Variants in FRMD4B observed in about 807,000 individuals in gnomAD.
The protein encoded by FRMD4B is FERM domain containing 4B.
Under a neutral mutation model 141.5 loss-of-function variants are expected in FRMD4B, and 74 were observed. The ratio of observed to expected loss-of-function variants is 0.52; its 90% CI spans 0.43 to 0.63. The LOEUF (loss-of-function observed/expected upper bound fraction) is 0.63, where lower values mean the gene tolerates loss of function less well. FRMD4B is among the 30% of genes least tolerant of loss of function. FRMD4B has a pLI of 0.00. For synonymous variants in FRMD4B, 506 were observed against 467.9 expected, an observed-to-expected ratio of 1.08 and a Z score of -1.05; for missense variants, 1,366 against 1,253.4, an observed-to-expected ratio of 1.09 and a Z score of -1.36.
intron 1 of FRMD4B, among the ~76,000 whole-genome samples, chr3:69,512,027 A>G (rs1210665745): frequency 1.3e-5 from 2 of 152,226 alleles, no homozygotes; most frequent in African/African-American, 4.8e-5. Flanking sequence ...ACATACAGAA[A>G]TTAGCATGTC....
chr3:69,336,219 G>A (rs1200874872), intron 1 of FRMD4B, among the ~76,000 whole-genome samples: 2 of 152,220 alleles, frequency 1.3e-5, no homozygotes, highest in African/African-American at 4.8e-5. Flanking sequence ...TAGAGTTAAT[G>A]AGGGGCTCAT....
At chr3:69,394,731 A>C (rs1559844887) in intron 2 of FRMD4B, among the ~76,000 whole-genome samples, 1 of 152,244 alleles carries the variant, frequency 6.6e-6, no homozygotes, top group Non-Finnish European at 1.5e-5. Flanking sequence ...TGTTTATTGC[A>C]GTATGATTTA....
At chr3:69,476,857 C>A (rs1706010585) in intron 1 of FRMD4B, among the ~76,000 whole-genome samples, 1 of 152,130 alleles carries the variant, frequency 6.6e-6, no homozygotes, top group Admixed American at 6.5e-5. Context: ...TCTTCCATTT[C>A]TTTGTATCCT....
chr3:69,394,751 G>A (rs934186929), intron 2 of FRMD4B, among the ~76,000 whole-genome samples: 18 of 152,156 alleles, frequency 1.2e-4, no homozygotes, highest in Non-Finnish European at 2.1e-4. Flanking sequence ...ACATAGCAAA[G>A]ATTTGGGATC....
At chr3:69,377,356 A>C (rs1004796090) in intron 1 of FRMD4B, among the ~76,000 whole-genome samples, 2 of 152,210 alleles carry the variant, frequency 1.3e-5, no homozygotes, top group African/African-American at 4.8e-5. Flanking sequence ...TGTAGCAAGC[A>C]GTCAGGAGAC....
chr3:69,300,458 T>C (rs1276526075), intron 4 of FRMD4B, among the ~76,000 whole-genome samples: 1 of 152,206 alleles, frequency 6.6e-6, no homozygotes, highest in Non-Finnish European at 1.5e-5. Context: ...CAGGCCACTC[T>C]GGAATTTCAG....
At chr3:69,210,133 T>A (rs941341764) in intron 11 of FRMD4B, among the ~76,000 whole-genome samples, 2 of 152,228 alleles carry the variant, frequency 1.3e-5, no homozygotes, top group Admixed American at 1.3e-4. Context: ...CCTGTGGTGA[T>A]GAAGTTCACC....
intron 1 of FRMD4B, among the ~76,000 whole-genome samples, chr3:69,354,240 A>G (rs954364522): frequency 4.6e-5 from 7 of 152,240 alleles, no homozygotes; most frequent in African/African-American, 1.7e-4. Context: ...TAATGAAATC[A>G]TTACTATTGA....
chr3:69,481,150 C>T (rs1169170235), intron 1 of FRMD4B, among the ~76,000 whole-genome samples: 4 of 152,192 alleles, frequency 2.6e-5, no homozygotes, highest in Non-Finnish European at 4.4e-5. Flanking sequence ...ACTCCCTGAT[C>T]CCTTGCACTT....
At chr3:69,357,856 A>G (rs1295203201) in intron 1 of FRMD4B, among the ~76,000 whole-genome samples, 3 of 152,226 alleles carry the variant, frequency 2.0e-5, no homozygotes, top group African/African-American at 7.2e-5. Context: ...CACTAAAGAA[A>G]AAATATTTCC....
At chr3:69,268,978 G>C (rs955959717) in intron 5 of FRMD4B, among the ~76,000 whole-genome samples, 1 of 150,502 alleles carries the variant, frequency 6.6e-6, no homozygotes, top group Non-Finnish European at 1.5e-5. Context: ...GCCCAGGATG[G>C]AGTGCAATGG....
At chr3:69,355,945 A>T (rs1703305330) in intron 1 of FRMD4B, among the ~76,000 whole-genome samples, 1 of 152,166 alleles carries the variant, frequency 6.6e-6, no homozygotes. Flanking sequence ...GAATTGCTTC[A>T]ACCTGGGAGC....
At chr3:69,440,364 T>C (rs1032015185) in intron 1 of FRMD4B, among the ~76,000 whole-genome samples, 2 of 152,242 alleles carry the variant, frequency 1.3e-5, no homozygotes, top group African/African-American at 4.8e-5. Flanking sequence ...AGAACCATAT[T>C]TGTTTAGTTC....
rs531744541 is a variant in FRMD4B at position 69,428,625 on chromosome 3, C to CT, written c.-1+4008dup. 3.4e-3 allele frequency among the ~76,000 whole-genome samples: 520 copies of CT among 151,986 alleles called. 4 individuals are homozygous for CT. Among genetic ancestry groups the CT allele is most frequent in the African/African-American group, 0.012 (504 of 41,486 alleles). On this transcript the variant is annotated intron_variant, in intron 2 of 5. Transcript: ENST00000459638. The stretch of plus-strand genomic sequence containing the variant: ...ATGGTGGTATTTTAAACTATTAACA[C>CT]TTTTTCTTTGGAAAAACCAGGAAAG...
At chr3:69,378,328 G>A (rs1267296274) in intron 1 of FRMD4B, among the ~76,000 whole-genome samples, 1 of 152,152 alleles carries the variant, frequency 6.6e-6, no homozygotes, top group African/African-American at 2.4e-5. Context: ...GAAGTGACAT[G>A]AGCCACTTAG....
intron 1 of FRMD4B, among the ~76,000 whole-genome samples, chr3:69,343,925 C>G (rs1406203572): frequency 6.6e-6 from 1 of 152,146 alleles, no homozygotes; most frequent in Non-Finnish European, 1.5e-5. Flanking sequence ...TGCAAATGAA[C>G]TAAAAGTCAA....
In FRMD4B at chr3:69,374,798, G is replaced by A. The variant is rs1055941752; in HGVS notation, c.162+11030C>T. Reference sequence around the variant, plus strand: ...TGTGCCCACAGTGTGTCTACACAGTGGTCAGTGGGCCCCTTTCCTGGTGGC... The same window carrying A: ...TGTGCCCACAGTGTGTCTACACAGTAGTCAGTGGGCCCCTTTCCTGGTGGC... On this transcript the variant is annotated intron_variant, in intron 1 of 22. Coordinates refer to ENST00000398540, the MANE Select transcript of FRMD4B (RefSeq NM_015123.3). Among the ~76,000 whole-genome samples the A allele has an allele frequency of 7.2e-5, 11 of 152,258 alleles. No individual in the cohort carries two copies. In the East Asian group the frequency reaches 2.1e-3, roughly 29 times the overall value.
intron 5 of FRMD4B, among the ~76,000 whole-genome samples, chr3:69,259,291 T>C (rs1232183838): frequency 1.3e-5 from 2 of 152,168 alleles, no homozygotes; most frequent in South Asian, 2.1e-4. Flanking sequence ...AGCTCAGGCA[T>C]TGATGCGAGT....
At position 69,295,921 on chromosome 3, in the gene FRMD4B, A is replaced by T. The variant is rs554366924; in HGVS notation, c.416+6422T>A. Among the ~76,000 whole-genome samples the T allele has an allele frequency of 6.6e-5, 10 of 151,938 alleles. No homozygotes were observed. In the East Asian group the frequency reaches 1.9e-3, roughly 29 times the overall value. ...AACCTCTGCCTCCCAGATTCAAGTGATTCTCCTGCCTCAGCCTCCCGCGTA... is the reference window on the plus strand; with the variant it reads ...AACCTCTGCCTCCCAGATTCAAGTGTTTCTCCTGCCTCAGCCTCCCGCGTA... On this transcript the variant is annotated intron_variant, in intron 4 of 22. Coordinates refer to ENST00000398540, the MANE Select transcript of FRMD4B (RefSeq NM_015123.3).
Sources: gnomAD v4.1 joint callset for allele counts (sites outside exome capture counted in the v4.1 genomes callset) on GRCh38, gnomAD v4.1.1 for gene constraint, MANE v1.5 for transcripts, NCBI Gene and HGNC (gene_info 2026-07-23, HGNC 2026-07-21) for gene names.